The following RALYL variants were observed in gnomAD, a reference collection of about 807,000 sequenced individuals.
RALYL encodes the protein RNA-binding Raly-like protein.
In RALYL, 29 loss-of-function variants were observed where a neutral mutation model predicts 35.1. The observed-to-expected ratio is 0.83, with a 90% CI of 0.61 to 1.13. The LOEUF is 1.13. Ranked by LOEUF, RALYL falls within the 50% of genes most tolerant of loss-of-function variation. The pLI is 0.00. For missense variants in RALYL, 359 were observed against 360.4 expected (o/e 1.00, Z 0.03); for synonymous variants, 120 against 127.6 (o/e 0.94, Z 0.40).
At chr8:84,357,030 A>G (rs1851979658) in intron 1 of RALYL, among the ~76,000 whole-genome samples, 1 of 152,080 alleles carries the variant, frequency 6.6e-6, no homozygotes, top group Non-Finnish European at 1.5e-5. Flanking sequence ...TCTCTAAAAT[A>G]CTGGACAACT....
chr8:84,365,835 G>T (rs992463734), intron 1 of RALYL, among the ~76,000 whole-genome samples: 14 of 152,166 alleles, frequency 9.2e-5, no homozygotes, highest in Admixed American at 4.6e-4. Context: ...CACAGAATTA[G>T]AAATGGTTAA....
At chr8:84,870,892 A>G (rs1840073805) in intron 6 of RALYL, among the ~76,000 whole-genome samples, 1 of 152,176 alleles carries the variant, frequency 6.6e-6, no homozygotes, top group Admixed American at 6.5e-5. Flanking sequence ...CAAGGACAGC[A>G]CTGAGATATT....
chr8:84,815,958 G>A (rs749946289), intron 4 of RALYL, among the ~76,000 whole-genome samples: 6 of 149,362 alleles, frequency 4.0e-5, no homozygotes, highest in African/African-American at 1.2e-4. Flanking sequence ...CATCTGAACC[G>A]GGGAGTCAGA....
chr8:84,458,905 G>A (rs1484082582), intron 1 of RALYL, among the ~76,000 whole-genome samples: 1 of 151,690 alleles, frequency 6.6e-6, no homozygotes, highest in East Asian at 1.9e-4. Flanking sequence ...TGTCTTAGAT[G>A]AAGTATGTAT....
chr8:84,336,390 C>CT (rs1038762168), intron 1 of RALYL, among the ~76,000 whole-genome samples: 1 of 151,896 alleles, frequency 6.6e-6, no homozygotes, highest in Admixed American at 6.6e-5. Context: ...AATGTCCTCA[C>CT]TTTTTTCTTG....
At chr8:84,417,506 A>G (rs1403899550) in intron 1 of RALYL, among the ~76,000 whole-genome samples, 2 of 152,084 alleles carry the variant, frequency 1.3e-5, no homozygotes, top group Non-Finnish European at 2.9e-5. Flanking sequence ...TCATAAAAGC[A>G]AAGAAAGATA....
intron 1 of RALYL, among the ~76,000 whole-genome samples, chr8:84,450,124 CT>C (rs1266636259): frequency 1.3e-5 from 2 of 151,630 alleles, no homozygotes; most frequent in African/African-American, 4.8e-5. Flanking sequence ...ATAGATATTG[CT>C]CCAGAAACTA....
At chr8:84,455,711 A>G (rs184528255) in intron 1 of RALYL, among the ~76,000 whole-genome samples, 155 of 152,186 alleles carry the variant, frequency 1.0e-3, no homozygotes, top group Non-Finnish European at 1.7e-3. Context: ...AATCAATTCA[A>G]TTATTCAGTC....
intron 3 of RALYL, among the ~76,000 whole-genome samples, chr8:84,794,705 C>A (rs920662606): frequency 1.3e-5 from 2 of 152,172 alleles, no homozygotes; most frequent in Non-Finnish European, 2.9e-5. Flanking sequence ...TATCTTCCAG[C>A]ACCATCCTCA....
chr8:84,414,566 C>A (rs376050715), intron 1 of RALYL, among the ~76,000 whole-genome samples: 1 of 152,046 alleles, frequency 6.6e-6, no homozygotes, highest in African/African-American at 2.4e-5. Context: ...TAAATGATTT[C>A]GAGCATATTT....
At chr8:84,517,375 A>G (rs1365984031) in intron 1 of RALYL, among the ~76,000 whole-genome samples, 1 of 152,218 alleles carries the variant, frequency 6.6e-6, no homozygotes, top group East Asian at 1.9e-4. Context: ...ATACCTGTAG[A>G]ATCACAACTG....
chr8:84,774,645 C>T lies in RALYL; in HGVS notation c.323C>T (p.Ala108Val), dbSNP rs747869584. ...CCTGGAAACAAGAGGCCCCTTTCTG[C>T]ACTTTACAGGTAAGTAGATAAGCAC... ...PKPGNKRPLS[A>V]LYRLESKEPF... The change falls in exon 3 of 9, where the codon GCA (alanine) becomes GTA (valine). Residue 108 changes from alanine to valine, a missense_variant. Transcript: ENST00000521268. 1 of 1,606,502 alleles carries T rather than the reference C, an allele frequency of 6.2e-7. No individual in the cohort carries two copies. Among genetic ancestry groups the T allele is most frequent in the Admixed American group, 1.7e-5 (1 of 59,382 alleles).
At chr8:84,710,288 T>TTTTGTTTG (rs113072612) in intron 2 of RALYL, among the ~76,000 whole-genome samples, 28 of 151,990 alleles carry the variant, frequency 1.8e-4, no homozygotes, top group African/African-American at 6.8e-4. Flanking sequence ...GTTCATATAT[T>TTTTGTTTG]TTTGTTTGTT....
At chr8:84,189,238 A>C (rs1813276778) in intron 1 of RALYL, among the ~76,000 whole-genome samples, 1 of 152,218 alleles carries the variant, frequency 6.6e-6, no homozygotes, top group African/African-American at 2.4e-5. Flanking sequence ...CTTATATTAC[A>C]AAATACTAGA....
intron 1 of RALYL, among the ~76,000 whole-genome samples, chr8:84,330,324 A>G (rs1846584097): frequency 6.6e-6 from 1 of 152,048 alleles, no homozygotes; most frequent in African/African-American, 2.4e-5. Flanking sequence ...TTGACAATAT[A>G]TACTACATCT....
chr8:84,344,757 A>G (rs1229846058), intron 1 of RALYL, among the ~76,000 whole-genome samples: 1 of 151,966 alleles, frequency 6.6e-6, no homozygotes, highest in Non-Finnish European at 1.5e-5. Flanking sequence ...TATGAGTTCA[A>G]CTTTTTTAGA....
intron 1 of RALYL, among the ~76,000 whole-genome samples, chr8:84,258,410 C>T (rs930030936): frequency 1.3e-5 from 2 of 151,858 alleles, no homozygotes; most frequent in African/African-American, 4.8e-5. Flanking sequence ...TACAGTCCTG[C>T]AGAAAGATTA....
intron 1 of RALYL, among the ~76,000 whole-genome samples, chr8:84,202,125 G>A (rs568352246): frequency 7.3e-5 from 11 of 150,036 alleles, no homozygotes; most frequent in Non-Finnish European, 1.6e-4. Flanking sequence ...TACACTTTTT[G>A]TGGTTATTTT....
intron 1 of RALYL, among the ~76,000 whole-genome samples, chr8:84,340,974 T>G (rs1330088447): frequency 1.3e-5 from 2 of 151,970 alleles, no homozygotes; most frequent in East Asian, 3.9e-4. Flanking sequence ...TTTGCAAGTA[T>G]TTGTTGTTAT....
Sources: gnomAD v4.1 joint callset for allele counts (sites outside exome capture counted in the v4.1 genomes callset) on GRCh38, gnomAD v4.1.1 for gene constraint, MANE v1.5 for transcripts, NCBI Gene and HGNC (gene_info 2026-07-23, HGNC 2026-07-21) for gene names.